Variants in PRKDC observed in about 807,000 individuals in gnomAD.
PRKDC encodes the protein protein kinase, DNA-activated, catalytic subunit, also known as DNA-dependent protein kinase catalytic subunit.
Under a neutral mutation model 486.9 loss-of-function variants are expected in PRKDC, and 82 were observed. The ratio of observed to expected loss-of-function variants is 0.17; its 90% confidence interval spans 0.14 to 0.20. PRKDC has a LOEUF of 0.20. Ranked by LOEUF, PRKDC falls within the 10% of genes least tolerant of loss-of-function variation. The probability of loss-of-function intolerance (pLI) is 1.00; values close to 1 mark genes in which losing one functional copy is unlikely to be tolerated. For missense variants in PRKDC, 4,504 were observed against 5,038.2 expected (o/e 0.89, Z 3.21); for synonymous variants, 1,895 against 1,837.0 (o/e 1.03, Z -0.81).
intron 68 of PRKDC, among the ~76,000 whole-genome samples, chr8:47,815,991 A>T (rs923684746): frequency 6.6e-6 from 1 of 152,170 alleles, no homozygotes; most frequent in African/African-American, 2.4e-5. Context: ...TCACTTGAGG[A>T]TCACTTGAGG....
At chr8:47,821,025 G>T in intron 65 of PRKDC, 82 bp from the exon 66 acceptor site, 1 of 876,936 alleles carries the variant, frequency 1.1e-6, no homozygotes, top group Non-Finnish European at 1.6e-6. Context: ...TATATTCTTT[G>T]CTATACTTTC....
At chr8:47,908,797 C>T (rs1229090718) in intron 25 of PRKDC, among the ~76,000 whole-genome samples, 2 of 152,180 alleles carry the variant, frequency 1.3e-5, no homozygotes, top group Non-Finnish European at 2.9e-5. Context: ...TAAAGATATA[C>T]ACAGACAGAT....
intron 54 of PRKDC, among the ~76,000 whole-genome samples, chr8:47,844,542 C>T (rs1309140839): frequency 6.6e-6 from 1 of 152,040 alleles, no homozygotes; most frequent in African/African-American, 2.4e-5. Flanking sequence ...CAATCGGACC[C>T]AATACATCTA....
At chr8:47,860,661 G>A (rs776267675) in intron 45 of PRKDC, among the ~76,000 whole-genome samples, 8 of 152,322 alleles carry the variant, frequency 5.3e-5, no homozygotes, top group Middle Eastern at 3.4e-3. Context: ...TCTGAACCCC[G>A]TCTGGCCACT....
In PRKDC at chr8:47,898,507, C is replaced by T. The variant is rs2089622803; in HGVS notation, c.3427G>A (p.Val1143Ile). ...HLCRIIEKKH[V>I]SLNKAKKRRL... ...CGTTTCTTTGCTTTATTTAAAGAAA[C>T]ATGCTTCTTTTCAATGATGCGGCAT... The change falls in exon 29 of 86, where the codon GTT (valine) becomes ATT (isoleucine). Residue 1143 changes from valine to isoleucine, a missense_variant. Physicochemically the swap from Val to Ile is conservative, Grantham distance 29. This residue lies in a region of PRKDC where 1,969 missense variants were observed against 2,068.9 expected (regional missense o/e 0.95). Coordinates refer to ENST00000314191, the MANE Select transcript of PRKDC (RefSeq NM_006904.7). The T allele has an allele frequency of 1.9e-6, 3 of 1,563,706 alleles. No individual in the cohort carries two copies. Among genetic ancestry groups the T allele is most frequent in the African/African-American group, 1.3e-5 (1 of 74,302 alleles).
chr8:47,799,313 A>G lies in PRKDC; in HGVS notation c.10194T>C (p.Pro3398=), dbSNP rs1161630994. 2.5e-6 allele frequency: 4 copies of G among 1,613,038 alleles called. No individual in the cohort carries two copies. In the African/African-American group the frequency reaches 5.3e-5, roughly 22 times the overall value. Residue 3398 remains proline (P), a synonymous_variant, in exon 72 of 86, where the codon CCT becomes CCC. Coordinates refer to ENST00000314191, the MANE Select transcript of PRKDC (RefSeq NM_006904.7). ...CTGCAGGCCCACAGCTCCAGGAGGGAGGCTGGGCCTCCTCCTCAGCCGCCT... is the reference window on the plus strand; with the variant it reads ...CTGCAGGCCCACAGCTCCAGGAGGGGGGCTGGGCCTCCTCCTCAGCCGCCT... The part of the protein sequence containing the change: ...AVQAAEEEAQ[P]PSWSCGPAAG...
intron 85 of PRKDC, 75 bp from the exon 86 acceptor site, chr8:47,774,452 A>G: frequency 1.5e-6 from 2 of 1,355,762 alleles, no homozygotes; most frequent in Non-Finnish European, 2.0e-6. Flanking sequence ...TAGTGATCCT[A>G]TCCAAACACA....
Position 47,933,139 on chromosome 8 carries a change from C to T in PRKDC, c.1657G>A (p.Val553Met), listed in dbSNP as rs2090285953. ...SILADEAFFS[V>M]NSSSESLNHL... is the part of the protein sequence containing the mutation. The stretch of plus-strand genomic sequence containing the variant: ...TTCAGACTTTCACTGGAGGAATTCA[C>T]AGAGAAAAATGCTTCATCTGCTAAA... Residue 553 changes from valine (V) to methionine (M), a missense_variant, in exon 16 of 86, where the codon GTG becomes ATG. Transcript: ENST00000314191. 6.5e-7 allele frequency: 1 copy of T among 1,548,540 alleles called. No individual in the cohort carries two copies. Among genetic ancestry groups the T allele is most frequent in the Non-Finnish European group, 8.7e-7 (1 of 1,150,396 alleles).
chr8:47,900,333 C>T (rs751723854), intron 28 of PRKDC, 40 bp downstream of exon 28: 2 of 1,478,786 alleles, frequency 1.4e-6, no homozygotes, highest in South Asian at 2.7e-5. Flanking sequence ...GGAAACTCTT[C>T]AGACCTGTAA....
intron 21 of PRKDC, among the ~76,000 whole-genome samples, chr8:47,925,667 T>C (rs2090145288): frequency 6.6e-6 from 1 of 152,212 alleles, no homozygotes. Flanking sequence ...TAAAAGAATG[T>C]CCTCACTCTT....
chr8:47,777,652 C>T, intron 84 of PRKDC, 34 bp downstream of exon 84: 1 of 1,538,600 alleles, frequency 6.5e-7, no homozygotes, highest in Non-Finnish European at 8.8e-7. Context: ...GACACTGTCA[C>T]AAAAGTGAAA....
chr8:47,929,801 T>G (rs762949376), intron 18 of PRKDC, 52 bp downstream of exon 18: 7 of 1,496,666 alleles, frequency 4.7e-6, no homozygotes, highest in Middle Eastern at 1.8e-4. Flanking sequence ...CATTTATATA[T>G]ACTCATGACC....
intron 59 of PRKDC, among the ~76,000 whole-genome samples, chr8:47,832,798 C>G (rs1247830607): frequency 1.3e-5 from 2 of 152,198 alleles, no homozygotes; most frequent in South Asian, 4.1e-4. Context: ...TGGAAGCTCC[C>G]GCCATATGCC....
chr8:47,890,833 A>T (rs1192619751), intron 31 of PRKDC, among the ~76,000 whole-genome samples: 1 of 152,238 alleles, frequency 6.6e-6, no homozygotes, highest in East Asian at 1.9e-4. Flanking sequence ...TCCAGCACTG[A>T]AATTTTAACC....
intron 13 of PRKDC, among the ~76,000 whole-genome samples, chr8:47,935,414 C>G (rs1250672270): frequency 6.6e-6 from 1 of 151,850 alleles, no homozygotes; most frequent in Non-Finnish European, 1.5e-5. Context: ...GCAAGAGAAT[C>G]GCTTGAACCC....
At chr8:47,856,510 G>GT (rs1432258200) in intron 49 of PRKDC, among the ~76,000 whole-genome samples, 1 of 152,184 alleles carries the variant, frequency 6.6e-6, no homozygotes, top group Non-Finnish European at 1.5e-5. Context: ...GATTACAGGT[G>GT]TGAGCCATCA....
intron 30 of PRKDC, among the ~76,000 whole-genome samples, chr8:47,893,821 G>GCCGT (rs1039535394): frequency 1.3e-5 from 2 of 152,138 alleles, no homozygotes; most frequent in Non-Finnish European, 2.9e-5. Flanking sequence ...AATCGAATGA[G>GCCGT]CCGTTTTTTC....
At chr8:47,881,731 T>C (rs2089223138) in intron 37 of PRKDC, among the ~76,000 whole-genome samples, 181 bp downstream of exon 37, 1 of 152,182 alleles carries the variant, frequency 6.6e-6, no homozygotes, top group East Asian at 1.9e-4. Context: ...GCATAAGAAA[T>C]AGTAAGTCTA....
intron 21 of PRKDC, among the ~76,000 whole-genome samples, chr8:47,924,919 A>G (rs758862182): frequency 9.9e-5 from 15 of 152,114 alleles, no homozygotes; most frequent in Non-Finnish European, 2.2e-4. Flanking sequence ...CTTATTCTCA[A>G]TGAATTTATG....
Sources: gnomAD v4.1 joint callset for allele counts (sites outside exome capture counted in the v4.1 genomes callset) on GRCh38, gnomAD v4.1.1 for gene constraint, gnomAD v4.1.1 regional missense constraint, MANE v1.5 for transcripts, NCBI Gene and HGNC (gene_info 2026-07-23, HGNC 2026-07-21) for gene names.